ZDHHC17: variants seen among roughly 807,000 people sequenced by gnomAD.
ZDHHC17 encodes zDHHC palmitoyltransferase 17, also known as palmitoyltransferase ZDHHC17.
A neutral mutation model predicts 90.3 loss-of-function variants in ZDHHC17; 40 were observed. That is an observed-to-expected ratio of 0.44 (90% CI 0.34 to 0.58). The LOEUF (loss-of-function observed/expected upper bound fraction) is 0.58. Among genes scored for constraint, ZDHHC17 ranks in the 20% least tolerant of loss-of-function variants. ZDHHC17 has a pLI of 0.01. For synonymous variants in ZDHHC17, 235 were observed against 252.4 expected, an observed-to-expected ratio of 0.93 and a Z score of 0.65; for missense variants, 614 against 780.8, an observed-to-expected ratio of 0.79 and a Z score of 2.55.
At position 76,851,242 on chromosome 12, in the gene ZDHHC17, T is replaced by G. The variant is rs1248258576; in HGVS notation, c.*257T>G. 1 of 411,910 alleles carries G rather than the reference T, an allele frequency of 2.4e-6. No homozygotes were observed. 25.5% of individuals were successfully genotyped at this position (411,910 alleles called of 1,614,324 possible). On this transcript the variant is annotated 3_prime_UTR_variant, in exon 17 of 17. Coordinates refer to ENST00000426126, the MANE Select transcript of ZDHHC17 (RefSeq NM_015336.4). ...CTTAATGTGGAAATTCACAACATAC[T>G]CAACTTTTGGGTTTTGTTCTCACAG... is the stretch of plus-strand genomic sequence containing the variant.
chr12:76,778,963 A>T (rs1952593711), intron 1 of ZDHHC17, among the ~76,000 whole-genome samples: 1 of 152,170 alleles, frequency 6.6e-6, no homozygotes, highest in Non-Finnish European at 1.5e-5. Flanking sequence ...TTATGTATCC[A>T]AATTTTCTCC....
intron 1 of ZDHHC17, among the ~76,000 whole-genome samples, chr12:76,788,669 T>A (rs2137733718): frequency 6.8e-6 from 1 of 147,756 alleles, no homozygotes. Context: ...TAGGAAAATA[T>A]ATTTAAGTTG....
chr12:76,765,600 AAAG>A (rs1208344825), intron 1 of ZDHHC17, among the ~76,000 whole-genome samples: 1 of 152,242 alleles, frequency 6.6e-6, no homozygotes, highest in Non-Finnish European at 1.5e-5. Flanking sequence ...GGAAATAGAC[AAAG>A]TAGTTTTCAG....
chr12:76,786,818 C>T (rs1319441196), intron 1 of ZDHHC17, among the ~76,000 whole-genome samples: 1 of 152,142 alleles, frequency 6.6e-6, no homozygotes, highest in Non-Finnish European at 1.5e-5. Flanking sequence ...TCTAAAATTG[C>T]ATATCTAATT....
At chr12:76,772,215 T>G (rs1036215249) in intron 1 of ZDHHC17, among the ~76,000 whole-genome samples, 1 of 152,156 alleles carries the variant, frequency 6.6e-6, no homozygotes, top group African/African-American at 2.4e-5. Flanking sequence ...ATAGAGATGA[T>G]AGAGTTGGAT....
intron 2 of ZDHHC17, 61 bp downstream of exon 2, chr12:76,797,598 G>A: frequency 1.6e-6 from 2 of 1,280,894 alleles, no homozygotes; most frequent in South Asian, 2.9e-5. Flanking sequence ...ATATGAATCT[G>A]AATAACAGTC....
At chr12:76,778,329 C>T (rs1342465239) in intron 1 of ZDHHC17, among the ~76,000 whole-genome samples, 1 of 152,192 alleles carries the variant, frequency 6.6e-6, no homozygotes, top group African/African-American at 2.4e-5. Context: ...CTTCTACTCT[C>T]CTGCCTTAGC....
At chr12:76,808,699 G>A (rs1952983341) in intron 3 of ZDHHC17, among the ~76,000 whole-genome samples, 1 of 152,128 alleles carries the variant, frequency 6.6e-6, no homozygotes. Context: ...ACCATGTCTT[G>A]CCTATTCTGC....
chr12:76,816,045 C>T (rs1190840727), intron 7 of ZDHHC17, 26 bp downstream of exon 7: 1 of 1,435,082 alleles, frequency 7.0e-7, no homozygotes, highest in Non-Finnish European at 9.2e-7. Context: ...ATTGATAATA[C>T]TGTATGAAAT....
intron 10 of ZDHHC17, 105 bp from the exon 11 acceptor site, chr12:76,841,877 A>G (rs995576616): frequency 2.4e-6 from 2 of 848,166 alleles, no homozygotes; most frequent in Admixed American, 4.3e-5. Context: ...AACAGTTTGT[A>G]TTTTTTTGAC....
chr12:76,774,735 C>T (rs1464686095), intron 1 of ZDHHC17, among the ~76,000 whole-genome samples: 4 of 152,134 alleles, frequency 2.6e-5, no homozygotes, highest in Non-Finnish European at 5.9e-5. Flanking sequence ...GTTAATAACA[C>T]CTACTTCTTA....
intron 1 of ZDHHC17, among the ~76,000 whole-genome samples, chr12:76,788,689 T>TA (rs1555181825): frequency 0.12 from 3,437 of 28,516 alleles, 461 homozygotes; most frequent in Middle Eastern, 0.18. Context: ...GGAATCGCAA[T>TA]TTTTTTTTTT....
intron 1 of ZDHHC17, among the ~76,000 whole-genome samples, chr12:76,793,783 C>G (rs1454509415): frequency 3.3e-5 from 5 of 152,132 alleles, no homozygotes; most frequent in Non-Finnish European, 7.4e-5. Context: ...TTAAAAGTTA[C>G]AATGACACAC....
chr12:76,842,223 A>G, intron 11 of ZDHHC17, 117 bp downstream of exon 11: 1 of 1,120,654 alleles, frequency 8.9e-7, no homozygotes, highest in African/African-American at 1.6e-5. Flanking sequence ...GTTTTAAGCT[A>G]AATTGAGATT....
chr12:76,783,539 A>G (rs1330395017), intron 1 of ZDHHC17, among the ~76,000 whole-genome samples: 1 of 152,280 alleles, frequency 6.6e-6, no homozygotes, highest in Non-Finnish European at 1.5e-5. Context: ...TGCTTCGCAC[A>G]ACACCTGGGG....
intron 1 of ZDHHC17, among the ~76,000 whole-genome samples, chr12:76,791,769 T>G (rs1952762276): frequency 6.6e-6 from 1 of 152,176 alleles, no homozygotes; most frequent in Admixed American, 6.5e-5. Context: ...CTCCAGTATT[T>G]CTGGACTGAC....
At chr12:76,821,514 A>T (rs1465897550) in intron 7 of ZDHHC17, among the ~76,000 whole-genome samples, 2 of 152,068 alleles carry the variant, frequency 1.3e-5, no homozygotes, top group Non-Finnish European at 2.9e-5. Flanking sequence ...TTTGGAAATA[A>T]AATTTCAGTG....
intron 10 of ZDHHC17, among the ~76,000 whole-genome samples, chr12:76,838,935 A>G (rs1592496883): frequency 6.6e-6 from 1 of 152,294 alleles, no homozygotes; most frequent in East Asian, 1.9e-4. Context: ...GTTTTCTCAC[A>G]GTTCTGGAGG....
intron 13 of ZDHHC17, 121 bp downstream of exon 13, chr12:76,845,923 A>T: frequency 2.0e-6 from 1 of 504,170 alleles, no homozygotes; most frequent in Non-Finnish European, 3.5e-6. Context: ...TTTCTCAGTT[A>T]TCTTCTGGTT....
Sources: gnomAD v4.1 joint callset for allele counts (sites outside exome capture counted in the v4.1 genomes callset) on GRCh38, gnomAD v4.1.1 for gene constraint, MANE v1.5 for transcripts, NCBI Gene and HGNC (gene_info 2026-07-23, HGNC 2026-07-21) for gene names.